ANO4: variants seen among roughly 807,000 people sequenced by gnomAD.
ANO4 encodes the protein anoctamin 4.
Under a neutral mutation model 141.9 loss-of-function variants are expected in ANO4, and 69 were observed. The observed-to-expected ratio is 0.49, with a 90% CI of 0.40 to 0.59. ANO4 has a LOEUF of 0.59. Among genes scored for constraint, ANO4 ranks in the 20% least tolerant of loss-of-function variants. The pLI, the probability that ANO4 is intolerant of heterozygous loss-of-function variation, is 0.00. For synonymous variants in ANO4, 350 were observed against 394.3 expected (o/e 0.89, Z 1.33); for missense variants, 894 against 1,162.2 (o/e 0.77, Z 3.36).
chr12:100,956,744 G>A (rs1014714410), intron 5 of ANO4, among the ~76,000 whole-genome samples: 2 of 152,176 alleles, frequency 1.3e-5, no homozygotes, highest in African/African-American at 4.8e-5. Flanking sequence ...TGTTACAGGC[G>A]TTCGCTGTTC....
chr12:100,948,150 C>CAAAAA (rs58889801), intron 5 of ANO4, among the ~76,000 whole-genome samples: 1 of 83,362 alleles, frequency 1.2e-5, no homozygotes. Context: ...GACTTCGTCT[C>CAAAAA]AAAAAAAAAA....
chr12:100,742,691 T>G lies in ANO4; in HGVS notation c.358+2586T>G, dbSNP rs151029659. Among the ~76,000 whole-genome samples the G allele has an allele frequency of 9.8e-5, 15 of 152,338 alleles. No homozygotes were observed. The East Asian group carries it at 2.9e-3, about 29-fold the overall frequency. ...ATTATAAAATCATTTTTCCATTTTA[T>G]AAATCCCACCATTCTGCAGTCCTAG... On this transcript the variant is annotated intron_variant, in intron 3 of 29. Coordinates refer to the ANO4 transcript ENST00000644049.
At chr12:100,976,354 GA>G (rs750619033) in intron 7 of ANO4, among the ~76,000 whole-genome samples, 3 of 152,148 alleles carry the variant, frequency 2.0e-5, no homozygotes, top group Non-Finnish European at 4.4e-5. Flanking sequence ...CCAAAGAAGT[GA>G]AAATGTTGTT....
chr12:100,980,775 T>C (rs2044423992), intron 7 of ANO4, among the ~76,000 whole-genome samples: 1 of 152,238 alleles, frequency 6.6e-6, no homozygotes, highest in South Asian at 2.1e-4. Flanking sequence ...TAATGCTCTT[T>C]TTATCCATGT....
At chr12:100,729,252 C>T (rs2031271333) in intron 1 of ANO4, among the ~76,000 whole-genome samples, 1 of 145,372 alleles carries the variant, frequency 6.9e-6, no homozygotes, top group Non-Finnish European at 1.5e-5. Context: ...TATGGATATC[C>T]TGTTTCTTAT....
intron 3 of ANO4, among the ~76,000 whole-genome samples, chr12:100,749,550 A>G (rs956990150): frequency 2.0e-5 from 3 of 152,070 alleles, no homozygotes; most frequent in Non-Finnish European, 2.9e-5. Context: ...TTCTTCCTCC[A>G]TGTGTGCTGG....
intron 2 of ANO4, among the ~76,000 whole-genome samples, chr12:100,919,881 TG>T (rs1385679530): frequency 6.6e-6 from 1 of 152,048 alleles, no homozygotes; most frequent in Non-Finnish European, 1.5e-5. Context: ...CAGAATTTAA[TG>T]GCCTGTATGC....
At chr12:100,720,154 G>A (rs2136718239) in intron 1 of ANO4, among the ~76,000 whole-genome samples, 1 of 152,148 alleles carries the variant, frequency 6.6e-6, no homozygotes, top group East Asian at 1.9e-4. Flanking sequence ...AATTGTTCTT[G>A]GCCATGCAAA....
intron 7 of ANO4, among the ~76,000 whole-genome samples, chr12:100,986,562 T>C (rs2044718310): frequency 6.6e-6 from 1 of 152,212 alleles, no homozygotes; most frequent in African/African-American, 2.4e-5. Context: ...GTTGACACAG[T>C]AAATTAGCCA....
chr12:100,753,615 T>C (rs1241814895), intron 3 of ANO4, among the ~76,000 whole-genome samples: 1 of 152,178 alleles, frequency 6.6e-6, no homozygotes, highest in Non-Finnish European at 1.5e-5. Flanking sequence ...ACCTGCACCC[T>C]AGCTACAGGC....
intron 1 of ANO4, among the ~76,000 whole-genome samples, chr12:100,725,471 C>G (rs555880042): frequency 2.0e-5 from 3 of 151,816 alleles, no homozygotes; most frequent in Non-Finnish European, 2.9e-5. Flanking sequence ...CTCAGCCTCC[C>G]GAGTAGCTGG....
chr12:100,778,771 A>G (rs1433603378), intron 3 of ANO4, among the ~76,000 whole-genome samples: 5 of 152,220 alleles, frequency 3.3e-5, no homozygotes, highest in African/African-American at 1.2e-4. Context: ...ATATTTCATC[A>G]CAAAGTTTTA....
chr12:100,768,540 A>G (rs373384819), intron 3 of ANO4, among the ~76,000 whole-genome samples: 2 of 152,308 alleles, frequency 1.3e-5, no homozygotes, highest in Admixed American at 1.3e-4. Flanking sequence ...ATATGCCAAC[A>G]TATTTGGCTC....
intron 8 of ANO4, among the ~76,000 whole-genome samples, chr12:100,999,897 A>AT (rs372550484): frequency 0.022 from 3,302 of 150,856 alleles, 122 homozygotes; most frequent in African/African-American, 0.076. Context: ...AAAAAAAAAA[A>AT]CTTTAGCCAG....
chr12:100,957,317 C>A (rs1432651338), intron 5 of ANO4, among the ~76,000 whole-genome samples: 2 of 152,156 alleles, frequency 1.3e-5, no homozygotes, highest in African/African-American at 4.8e-5. Flanking sequence ...TGGGACTAAT[C>A]CATTCCTGCA....
intron 14 of ANO4, among the ~76,000 whole-genome samples, chr12:101,062,278 C>T (rs1034954568): frequency 6.6e-6 from 1 of 152,186 alleles, no homozygotes; most frequent in Non-Finnish European, 1.5e-5. Flanking sequence ...AGGGGCACCC[C>T]CCAAATGCCA....
At chr12:100,775,253 G>A (rs1020328673) in intron 3 of ANO4, among the ~76,000 whole-genome samples, 1 of 152,148 alleles carries the variant, frequency 6.6e-6, no homozygotes, top group Admixed American at 6.5e-5. Context: ...CCCCAAAGGA[G>A]GTTGCTAGAA....
intron 1 of ANO4, among the ~76,000 whole-genome samples, chr12:100,718,847 G>A (rs1814055562): frequency 6.6e-6 from 1 of 152,162 alleles, no homozygotes. Context: ...TATGCTGATG[G>A]CATTTTAGGC....
chr12:100,745,007 T>A (rs1165312209), intron 3 of ANO4, among the ~76,000 whole-genome samples: 1 of 151,948 alleles, frequency 6.6e-6, no homozygotes, highest in Admixed American at 6.6e-5. Flanking sequence ...TTTCTTCCTC[T>A]TTTTCCACCT....
Sources: allele counts gnomAD v4.1 joint callset (sites outside exome capture counted in the v4.1 genomes callset), GRCh38; gene constraint gnomAD v4.1.1; transcripts MANE v1.5; gene names NCBI Gene and HGNC (gene_info 2026-07-23, HGNC 2026-07-21).